ABI3BP: variants seen among roughly 807,000 people sequenced by gnomAD.
ABI3BP encodes the protein target of Nesh-SH3.
Under a neutral mutation model 268.6 loss-of-function variants are expected in ABI3BP, and 216 were observed. That is an observed-to-expected ratio of 0.80 (90% CI 0.72 to 0.90). ABI3BP has a LOEUF of 0.90. ABI3BP is among the 40% of genes least tolerant of loss of function. The pLI is 0.00. For missense variants in ABI3BP, 2,090 were observed against 2,182.4 expected, an observed-to-expected ratio of 0.96 and a Z score of 0.84; for synonymous variants, 730 against 730.0, an observed-to-expected ratio of 1.00 and a Z score of 0.00.
At chr3:100,759,028 A>G (rs1306360473) in intron 63 of ABI3BP, among the ~76,000 whole-genome samples, 2 of 152,208 alleles carry the variant, frequency 1.3e-5, no homozygotes, top group African/African-American at 4.8e-5. Context: ...ACAATTTAGA[A>G]CTGAAGTAAA....
chr3:100,843,401 AGTGTGTGT>A (rs58147308), intron 20 of ABI3BP, among the ~76,000 whole-genome samples: 1 of 149,006 alleles, frequency 6.7e-6, no homozygotes, highest in Non-Finnish European at 1.5e-5. Context: ...AAAAATTCTG[AGTGTGTGT>A]GTGTGTGTGT....
At position 100,851,894 on chromosome 3, in the gene ABI3BP, C is replaced by T. The variant is rs1331986272; in HGVS notation, c.1332G>A (p.Glu444=). 1.9e-6 allele frequency: 3 copies of T among 1,590,776 alleles called. No homozygotes were observed. Among genetic ancestry groups the T allele is most frequent in the Non-Finnish European group, 8.6e-7 (1 of 1,169,160 alleles). ...FSSPTTSDEP[E]ISDSYTATSD... is the part of the protein sequence containing the mutation. Reference sequence around the variant, plus strand: ...ATATACCTGTGTAGGAATCTGATATCTCAGGCTCATCTGATGTTGTAGGGC... The same window carrying T: ...ATATACCTGTGTAGGAATCTGATATTTCAGGCTCATCTGATGTTGTAGGGC... Residue 444 remains glutamate, a synonymous_variant, in exon 15 of 68, where the codon GAG becomes GAA. Transcript: ENST00000471714.
intron 58 of ABI3BP, 42 bp downstream of exon 58, chr3:100,780,090 T>G: frequency 6.3e-7 from 1 of 1,595,326 alleles, no homozygotes; most frequent in Middle Eastern, 1.7e-4. Context: ...CATCCAAGTT[T>G]CAGAGCTGAG....
At position 100,850,044 on chromosome 3, in the gene ABI3BP, C is replaced by G; in HGVS notation, c.1501+1G>C. 1 of 1,610,036 alleles carries G rather than the reference C, an allele frequency of 6.2e-7. No homozygotes were observed. Among genetic ancestry groups the G allele is most frequent in the Non-Finnish European group, 8.5e-7 (1 of 1,177,938 alleles). On this transcript the variant is annotated splice_donor_variant, in intron 17 of 67. Coordinates refer to ENST00000471714, the MANE Select transcript of ABI3BP (RefSeq NM_001375547.2). LOFTEE classifies it high-confidence loss of function. ...ATAACTACATAAATGTCATTAGTTA[C>G]CAGGTGTCGTAGGCTGCATTTCTGG... is the stretch of plus-strand genomic sequence containing the variant.
rs2098844203 is a variant in ABI3BP at position 100,851,892 on chromosome 3, A to G, written c.1334T>C (p.Ile445Thr). The change falls in exon 15 of 68, where the codon ATA becomes ACA. Residue 445 changes from isoleucine to threonine, a missense_variant. Physicochemically the swap from Ile to Thr is moderately conservative, Grantham distance 89. Coordinates refer to ENST00000471714, the MANE Select transcript of ABI3BP (RefSeq NM_001375547.2). ...SSPTTSDEPEISDSYTATSDR... is the reference protein window; with the variant it reads ...SSPTTSDEPETSDSYTATSDR... ...AGATATACCTGTGTAGGAATCTGAT[A>G]TCTCAGGCTCATCTGATGTTGTAGG... 5 of 1,593,646 alleles carry G rather than the reference A, an allele frequency of 3.1e-6. No individual in the cohort carries two copies. The South Asian group carries it at 5.8e-5, about 18-fold the overall frequency.
chr3:100,811,856 T>A (rs2097868018), intron 46 of ABI3BP, 57 bp from the exon 47 acceptor site: 3 of 1,179,302 alleles, frequency 2.5e-6, no homozygotes, highest in Admixed American at 2.1e-5. Context: ...CACACTGTAA[T>A]AGAACCCTGC....
chr3:100,900,660 A>C (rs1286831307), intron 3 of ABI3BP, among the ~76,000 whole-genome samples: 3 of 152,164 alleles, frequency 2.0e-5, no homozygotes, highest in African/African-American at 7.2e-5. Flanking sequence ...TTAATATAAA[A>C]ATAATTAAAT....
At chr3:100,753,921 G>T in intron 64 of ABI3BP, 73 bp from the exon 65 acceptor site, 1 of 1,436,886 alleles carries the variant, frequency 7.0e-7, no homozygotes, top group South Asian at 1.2e-5. Flanking sequence ...TGGTGAAGAT[G>T]ATGGGGGCTT....
chr3:100,894,382 T>G (rs1198850872), intron 4 of ABI3BP, among the ~76,000 whole-genome samples: 1 of 152,142 alleles, frequency 6.6e-6, no homozygotes, highest in African/African-American at 2.4e-5. Context: ...ACTGGTTATT[T>G]CATTCAGCAT....
chr3:100,862,557 A>C (rs1268145817), intron 13 of ABI3BP, 172 bp from the exon 14 acceptor site: 1 of 594,034 alleles, frequency 1.7e-6, no homozygotes, highest in Non-Finnish European at 2.9e-6. Context: ...CATCCAGAGA[A>C]CATTTGATTA....
intron 1 of ABI3BP, among the ~76,000 whole-genome samples, chr3:100,958,555 T>C (rs1026790685): frequency 2.0e-5 from 3 of 152,228 alleles, no homozygotes; most frequent in Non-Finnish European, 2.9e-5. Flanking sequence ...TTGTAAAACA[T>C]TGAACTTCTG....
intron 18 of ABI3BP, among the ~76,000 whole-genome samples, chr3:100,848,425 TTTAG>T (rs1225133487): frequency 6.6e-5 from 10 of 152,152 alleles, no homozygotes; most frequent in African/African-American, 2.2e-4. Context: ...ATTATTCATC[TTTAG>T]TTAATCTCAA....
At chr3:100,878,808 T>C (rs2153338594) in intron 6 of ABI3BP, among the ~76,000 whole-genome samples, 1 of 103,580 alleles carries the variant, frequency 9.7e-6, no homozygotes, top group Non-Finnish European at 2.3e-5. Context: ...AGCAAAAGCG[T>C]TGCTGGCATA....
intron 62 of ABI3BP, among the ~76,000 whole-genome samples, chr3:100,766,734 G>A (rs2096284363): frequency 6.6e-6 from 1 of 152,106 alleles, no homozygotes; most frequent in East Asian, 1.9e-4. Flanking sequence ...TCTCATTTGG[G>A]ACTTAGCTTA....
At chr3:100,906,004 T>C (rs1236237402) in intron 2 of ABI3BP, among the ~76,000 whole-genome samples, 4 of 152,214 alleles carry the variant, frequency 2.6e-5, no homozygotes, top group African/African-American at 9.6e-5. Flanking sequence ...GTTATGTAAC[T>C]ATCTTAATCA....
chr3:100,953,254 C>T (rs9862373), intron 1 of ABI3BP, among the ~76,000 whole-genome samples: 24,092 of 152,130 alleles, frequency 0.16, 2,031 homozygotes, highest in Middle Eastern at 0.23. Flanking sequence ...CCACTATTTC[C>T]GGGTTAATCA....
intron 1 of ABI3BP, among the ~76,000 whole-genome samples, chr3:100,956,289 A>G (rs1168065973): frequency 6.6e-6 from 1 of 150,574 alleles, no homozygotes; most frequent in Non-Finnish European, 1.5e-5. Context: ...TGGGGTAGAT[A>G]CCACTGCTGT....
chr3:100,983,335 C>A (rs1276128419), intron 1 of ABI3BP, among the ~76,000 whole-genome samples: 1 of 152,080 alleles, frequency 6.6e-6, no homozygotes, highest in Non-Finnish European at 1.5e-5. Flanking sequence ...ATACAAAAAT[C>A]AGCTGGAATA....
In ABI3BP at chr3:100,842,010, G is replaced by T. The variant is rs1360874890; in HGVS notation, c.1753C>A (p.Gln585Lys). Residue 585 changes from glutamine (Q) to lysine (K), a missense_variant, in exon 21 of 68, where the codon CAG becomes AAG. Transcript: ENST00000471714. ...APEPQTLLPS[Q>K]STIGPETPGT... ...AAAGCTTTATTACCTATTGTTGACTGTGATGGCAGTAGAGTCTGAGGTTCT... is the reference window on the plus strand; with the variant it reads ...AAAGCTTTATTACCTATTGTTGACTTTGATGGCAGTAGAGTCTGAGGTTCT... The T allele has an allele frequency of 2.0e-6, 3 of 1,534,438 alleles. No individual in the cohort carries two copies. The Admixed American group carries it at 5.9e-5, about 30-fold the overall frequency.
Sources: allele counts gnomAD v4.1 joint callset (sites outside exome capture counted in the v4.1 genomes callset), GRCh38; gene constraint gnomAD v4.1.1; transcripts MANE v1.5; gene names NCBI Gene and HGNC (gene_info 2026-07-23, HGNC 2026-07-21).